FOXP2: variants seen among roughly 807,000 people sequenced by gnomAD.
The protein encoded by FOXP2 is forkhead box P2.
In FOXP2, 12 loss-of-function variants were observed where a neutral mutation model predicts 115.8. That is an observed-to-expected ratio of 0.10 (90% CI 0.07 to 0.17). The LOEUF is 0.17. Ranked by LOEUF, FOXP2 falls within the 10% of genes least tolerant of loss-of-function variation. FOXP2 has a pLI of 1.00. For missense variants in FOXP2, 629 were observed against 843.5 expected (o/e 0.75, Z 3.15); for synonymous variants, 328 against 297.7 (o/e 1.10, Z -1.05).
At chr7:114,656,495 A>G (rs1371791937) in intron 10 of FOXP2, 2 of 454,050 alleles carry the variant, frequency 4.4e-6, no homozygotes, top group African/African-American at 4.0e-5. Context: ...TTCTCAAACT[A>G]TGCAGAGGTG....
At chr7:114,238,698 G>A (rs1795073637) in intron 1 of FOXP2, among the ~76,000 whole-genome samples, 1 of 152,020 alleles carries the variant, frequency 6.6e-6, no homozygotes, top group Admixed American at 6.6e-5. Flanking sequence ...GTTGGGTCTG[G>A]GAGGCAGAGG....
At chr7:114,419,343 G>C (rs77369014) in intron 1 of FOXP2, among the ~76,000 whole-genome samples, 9 of 151,804 alleles carry the variant, frequency 5.9e-5, no homozygotes, top group Non-Finnish European at 1.3e-4. Context: ...GAAATTTGAC[G>C]GAAAGGTTTA....
At chr7:114,636,469 A>G (rs1165482613) in intron 6 of FOXP2, among the ~76,000 whole-genome samples, 10 of 152,200 alleles carry the variant, frequency 6.6e-5, no homozygotes, top group Non-Finnish European at 1.2e-4. Context: ...ATTACTTTAA[A>G]TTATAAGTAA....
At chr7:114,685,951 T>C (rs906086306) in intron 16 of FOXP2, among the ~76,000 whole-genome samples, 5 of 150,654 alleles carry the variant, frequency 3.3e-5, no homozygotes, top group African/African-American at 1.2e-4. Context: ...GATCCAGGAA[T>C]ATCAAGAGGA....
chr7:114,463,127 C>T (rs765914758), intron 2 of FOXP2: 7 of 411,296 alleles, frequency 1.7e-5, no homozygotes, highest in Non-Finnish European at 3.4e-5. Flanking sequence ...CTCCTGGGCT[C>T]AAGCAGTCCT....
intron 2 of FOXP2, among the ~76,000 whole-genome samples, chr7:114,434,864 T>C (rs1794270910): frequency 1.3e-5 from 2 of 152,182 alleles, no homozygotes; most frequent in South Asian, 4.1e-4. Flanking sequence ...GATGATAAAA[T>C]ACAAAGGCCA....
intron 3 of FOXP2, among the ~76,000 whole-genome samples, chr7:114,582,340 G>A (rs373955576): frequency 5.9e-5 from 9 of 152,148 alleles, no homozygotes; most frequent in East Asian, 3.9e-4. Flanking sequence ...TCCTTCTCCC[G>A]CAGTGTCACA....
chr7:114,138,393 C>CT (rs34769199), intron 1 of FOXP2, among the ~76,000 whole-genome samples: 110,518 of 138,514 alleles, frequency 0.8, 45,040 homozygotes, highest in Non-Finnish European at 0.89. Flanking sequence ...TAAGCCTATT[C>CT]TTTTTTTTTT....
At chr7:114,152,909 C>T (rs1236234350) in intron 1 of FOXP2, among the ~76,000 whole-genome samples, 7 of 151,990 alleles carry the variant, frequency 4.6e-5, no homozygotes, top group African/African-American at 9.7e-5. Context: ...GCACTGGAGT[C>T]GACAACATGT....
chr7:114,493,481 G>A (rs1303659007), intron 2 of FOXP2, among the ~76,000 whole-genome samples: 1 of 152,084 alleles, frequency 6.6e-6, no homozygotes, highest in East Asian at 1.9e-4. Context: ...GTGAAGACAG[G>A]AGGTATATGA....
intron 1 of FOXP2, among the ~76,000 whole-genome samples, chr7:114,283,128 A>C (rs1484149539): frequency 6.6e-6 from 1 of 152,148 alleles, no homozygotes; most frequent in East Asian, 1.9e-4. Flanking sequence ...CTTCACTGAA[A>C]TGTTGGTTAT....
intron 2 of FOXP2, among the ~76,000 whole-genome samples, chr7:114,501,364 C>T (rs1029426502): frequency 3.9e-5 from 6 of 152,102 alleles, no homozygotes; most frequent in African/African-American, 1.4e-4. Context: ...TCATTTCTCA[C>T]CTAAGCTGTG....
chr7:114,676,990 T>A (rs1445701931), intron 16 of FOXP2, among the ~76,000 whole-genome samples: 1 of 151,526 alleles, frequency 6.6e-6, no homozygotes, highest in African/African-American at 2.4e-5. Context: ...CATGATGAAA[T>A]CCCATCTCTA....
At chr7:114,577,359 C>T (rs535067127) in intron 3 of FOXP2, among the ~76,000 whole-genome samples, 3 of 151,938 alleles carry the variant, frequency 2.0e-5, no homozygotes, top group Admixed American at 6.6e-5. Context: ...CTACTATCAC[C>T]GGAGTTTTGT....
intron 1 of FOXP2, among the ~76,000 whole-genome samples, chr7:114,191,197 T>A (rs1474765189): frequency 6.6e-6 from 1 of 152,180 alleles, no homozygotes; most frequent in Non-Finnish European, 1.5e-5. Context: ...TTAGCTGTCA[T>A]TTTTTATAGT....
At chr7:114,416,619 G>A (rs1166160290) in intron 1 of FOXP2, among the ~76,000 whole-genome samples, 1 of 150,654 alleles carries the variant, frequency 6.6e-6, no homozygotes, top group Non-Finnish European at 1.5e-5. Flanking sequence ...TCTTATTTTC[G>A]ATTGTTCCTT....
At chr7:114,342,814 T>C (rs1791249210) in intron 2 of FOXP2, among the ~76,000 whole-genome samples, 1 of 151,546 alleles carries the variant, frequency 6.6e-6, no homozygotes, top group African/African-American at 2.4e-5. Context: ...AAATGATTAA[T>C]GGTTATATGA....
chr7:114,370,237 T>C (rs1791971276), intron 2 of FOXP2, among the ~76,000 whole-genome samples: 3 of 152,236 alleles, frequency 2.0e-5, no homozygotes, highest in Admixed American at 2.0e-4. Context: ...ACCCTTCAGA[T>C]GTCTTCTCAT....
rs562744015 is a variant in FOXP2, at chr7:114,422,563, T to C, written c.-10-3939T>C. Among the ~76,000 whole-genome samples, 4 of 151,716 alleles carry C rather than the reference T, an allele frequency of 2.6e-5. No homozygotes were observed. In the East Asian group the frequency reaches 7.8e-4, roughly 30 times the overall value. ...ATACACATATTCATGTGCACACATA[T>C]ACACATGGGAATGTGGAGTGGAAAA... On this transcript the variant is annotated intron_variant, in intron 1 of 16. Coordinates refer to ENST00000350908, the MANE Select transcript of FOXP2 (RefSeq NM_014491.4).
Sources: allele counts gnomAD v4.1 joint callset (sites outside exome capture counted in the v4.1 genomes callset), GRCh38; gene constraint gnomAD v4.1.1; transcripts MANE v1.5; gene names NCBI Gene and HGNC (gene_info 2026-07-23, HGNC 2026-07-21).